RASGRP3: variants seen among roughly 807,000 people sequenced by gnomAD.
RASGRP3 encodes the protein RAS guanyl releasing protein 3.
In RASGRP3, 54 loss-of-function variants were observed where a neutral mutation model predicts 82.7. The ratio of observed to expected loss-of-function variants is 0.65; its 90% CI spans 0.52 to 0.82. RASGRP3 has a LOEUF of 0.82. Among genes scored for constraint, RASGRP3 ranks in the 40% least tolerant of loss-of-function variants. The pLI is 0.00. For missense variants in RASGRP3, 861 were observed against 828.9 expected, an observed-to-expected ratio of 1.04 and a Z score of -0.48; for synonymous variants, 309 against 300.5, an observed-to-expected ratio of 1.03 and a Z score of -0.29.
At chr2:33,523,763 A>G in intron 7 of RASGRP3, 116 bp from the exon 8 acceptor site, 1 of 1,083,438 alleles carries the variant, frequency 9.2e-7, no homozygotes, top group Non-Finnish European at 1.3e-6. Context: ...TAAATGTGAA[A>G]TAAAAGAAAT....
chr2:33,530,502 T>C (rs1310064444), intron 10 of RASGRP3, among the ~76,000 whole-genome samples: 3 of 149,290 alleles, frequency 2.0e-5, no homozygotes, highest in Non-Finnish European at 4.5e-5. Context: ...CCTTCCTTTT[T>C]TTTTTTTTTT....
At chr2:33,519,259 C>T (rs756723312) in intron 4 of RASGRP3, among the ~76,000 whole-genome samples, 7 of 152,158 alleles carry the variant, frequency 4.6e-5, no homozygotes, top group African/African-American at 1.4e-4. Context: ...TTGACTGAAA[C>T]GTTGTTATGT....
rs1574228817 is a variant in RASGRP3, at chr2:33,450,590, A to G, written c.-261+2647A>G. On this transcript the variant is annotated intron_variant, in intron 2 of 18. Transcript: ENST00000402538. ...TTAAGGCTAAATAGCACTCCATTGT[A>G]TATACCGCATTTTCTTTATCCATTC... 3.9e-5 allele frequency among the ~76,000 whole-genome samples: 6 copies of G among 152,030 alleles called. No individual in the cohort carries two copies. In the East Asian group the frequency reaches 1.2e-3, roughly 29 times the overall value.
chr2:33,545,595 A>G (rs752786406), intron 13 of RASGRP3, among the ~76,000 whole-genome samples: 6 of 152,206 alleles, frequency 3.9e-5, no homozygotes, highest in Non-Finnish European at 7.3e-5. Context: ...CATATATATA[A>G]TAAAGATTGT....
chr2:33,518,212 C>G (rs1468585494), intron 4 of RASGRP3, among the ~76,000 whole-genome samples: 3 of 152,190 alleles, frequency 2.0e-5, no homozygotes, highest in Non-Finnish European at 4.4e-5. Context: ...CACACCTAGG[C>G]TATATGATAC....
chr2:33,492,533 G>C (rs1431974095), intron 1 of RASGRP3, among the ~76,000 whole-genome samples: 1 of 152,150 alleles, frequency 6.6e-6, no homozygotes, highest in African/African-American at 2.4e-5. Flanking sequence ...CTATAAGGAG[G>C]TAATTACGGT....
At chr2:33,502,123 G>C (rs1669927083) in intron 1 of RASGRP3, among the ~76,000 whole-genome samples, 1 of 152,140 alleles carries the variant, frequency 6.6e-6, no homozygotes, top group Admixed American at 6.5e-5. Flanking sequence ...AATTTTGTTT[G>C]TTTGTTAGTG....
rs569100337 is a variant in RASGRP3 at position 33,548,232 on chromosome 2, G to A, written c.1395-1372G>A. 8.6e-5 allele frequency among the ~76,000 whole-genome samples: 13 copies of A among 151,834 alleles called. No individual in the cohort carries two copies. In the South Asian group the frequency reaches 2.5e-3, roughly 29 times the overall value. Reference sequence around the variant, plus strand: ...AAAAATTAGCTGGGCGCAGTGGCGGGCGCCTGTAGTCCCAGCTACTCGGGA... The same window carrying A: ...AAAAATTAGCTGGGCGCAGTGGCGGACGCCTGTAGTCCCAGCTACTCGGGA... On this transcript the variant is annotated intron_variant, in intron 13 of 17. Coordinates refer to ENST00000403687, the MANE Select transcript of RASGRP3 (RefSeq NM_001139488.2).
chr2:33,451,687 T>G (rs1665808339), intron 2 of RASGRP3, among the ~76,000 whole-genome samples: 2 of 152,206 alleles, frequency 1.3e-5, no homozygotes, highest in Non-Finnish European at 2.9e-5. Flanking sequence ...GATTGTAATG[T>G]GTCTTGGTGA....
At chr2:33,555,349 C>T (rs1409356764) in intron 14 of RASGRP3, 182 bp from the exon 15 acceptor site, 3 of 467,700 alleles carry the variant, frequency 6.4e-6, no homozygotes, top group Middle Eastern at 4.7e-4. Flanking sequence ...CTCATGTTAT[C>T]ACCACAGCTG....
upstream of RASGRP3, among the ~76,000 whole-genome samples, chr2:33,472,771 A>G (rs1168551664): frequency 6.7e-6 from 1 of 150,090 alleles, no homozygotes; most frequent in Non-Finnish European, 1.5e-5. Flanking sequence ...CCTGGCCAAC[A>G]TGGTGAAACC....
chr2:33,461,788 A>T (rs1378751776), intron 2 of RASGRP3, among the ~76,000 whole-genome samples: 1 of 152,232 alleles, frequency 6.6e-6, no homozygotes, highest in Non-Finnish European at 1.5e-5. Context: ...CAGTCAAAAG[A>T]TTGAGCAAAT....
intron 1 of RASGRP3, among the ~76,000 whole-genome samples, chr2:33,499,776 A>AGAGG (rs56128218): frequency 0.24 from 35,907 of 149,312 alleles, 4,389 homozygotes; most frequent in South Asian, 0.27. Flanking sequence ...AAAAAAAAAG[A>AGAGG]GAGGATAAGA....
intron 1 of RASGRP3, among the ~76,000 whole-genome samples, chr2:33,490,023 G>A (rs2150956938): frequency 6.8e-6 from 1 of 147,352 alleles, no homozygotes; most frequent in East Asian, 2.6e-4. Context: ...CCTGATGACT[G>A]TATATCTCTA....
At chr2:33,455,616 G>A (rs142341847) in intron 2 of RASGRP3, among the ~76,000 whole-genome samples, 40 of 152,368 alleles carry the variant, frequency 2.6e-4, no homozygotes, top group South Asian at 2.1e-3. Context: ...AAGGCAGACC[G>A]CCCGAGGAGC....
rs1244368464 is a variant in RASGRP3 at position 33,510,370 on chromosome 2, A to C, written c.-260-1340A>C. Among the ~76,000 whole-genome samples the C allele has an allele frequency of 2.0e-5, 3 of 152,188 alleles. No homozygotes were observed. In the South Asian group the frequency reaches 6.2e-4, roughly 32 times the overall value. On this transcript the variant is annotated intron_variant, in intron 1 of 17. Transcript: ENST00000403687. ...AGAGCCAAGAGAAAGCTTCCCTGTC[A>C]TTTTGGCATACTTCCTAGATACCGT...
intron 2 of RASGRP3, 26 bp downstream of exon 2, chr2:33,511,868 A>G (rs1271433478): frequency 6.6e-6 from 1 of 152,640 alleles, no homozygotes; most frequent in African/African-American, 2.4e-5. Context: ...AATTGTCATA[A>G]ATTATGTAAG....
In RASGRP3 at chr2:33,555,759, G is replaced by T. The variant is rs558479322; in HGVS notation, c.1579+192G>T. ...GGAGAGCTAAAATTGGAATTTTATA[G>T]CTTGTTACAAACCACTCTTATCAAC... is the stretch of plus-strand genomic sequence containing the variant. On this transcript the variant is annotated intron_variant, in intron 15 of 17. Coordinates refer to ENST00000403687, the MANE Select transcript of RASGRP3 (RefSeq NM_001139488.2). Among the ~76,000 whole-genome samples, 4 of 151,890 alleles carry T rather than the reference G, an allele frequency of 2.6e-5. No homozygotes were observed. In the East Asian group the frequency reaches 5.8e-4, roughly 22 times the overall value.
At chr2:33,531,148 C>A (rs935027568) in intron 10 of RASGRP3, among the ~76,000 whole-genome samples, 5 of 152,158 alleles carry the variant, frequency 3.3e-5, no homozygotes, top group African/African-American at 1.2e-4. Context: ...TTATGATAAA[C>A]AGTCAAGCCA....
Sources: allele counts gnomAD v4.1 joint callset (sites outside exome capture counted in the v4.1 genomes callset), GRCh38; gene constraint gnomAD v4.1.1; transcripts MANE v1.5; gene names NCBI Gene and HGNC (gene_info 2026-07-23, HGNC 2026-07-21).